The following SASH1 variants were observed in gnomAD, a reference collection of about 807,000 sequenced individuals.
SASH1 encodes SAM and SH3 domain containing 1, also known as SAM and SH3 domain-containing protein 1.
A neutral mutation model predicts 125.2 loss-of-function variants in SASH1; 44 were observed. The observed-to-expected ratio is 0.35, with a 90% CI of 0.28 to 0.45. The LOEUF is 0.45. Among genes scored for constraint, SASH1 ranks in the 20% least tolerant of loss-of-function variants. SASH1 has a pLI of 1.00. For synonymous variants in SASH1, 639 were observed against 649.1 expected (o/e 0.98, Z 0.24); for missense variants, 1,426 against 1,614.5 (o/e 0.88, Z 2.00).
chr6:148,399,809 T>A (rs1414513039), intron 2 of SASH1, among the ~76,000 whole-genome samples: 1 of 151,150 alleles, frequency 6.6e-6, no homozygotes, highest in Non-Finnish European at 1.5e-5. Context: ...TGGCCAGGGC[T>A]TGGGAGGGAA....
At chr6:148,274,018 AC>A (rs1204694168) in intron 1 of SASH1, among the ~76,000 whole-genome samples, 1 of 152,224 alleles carries the variant, frequency 6.6e-6, no homozygotes, top group Non-Finnish European at 1.5e-5. Flanking sequence ...TAGGATTGCA[AC>A]CAGAAGGAGA....
rs1368188680 is a variant in SASH1, at chr6:148,551,196, ATGTT to A, written c.*2641_*2644del. On this transcript the variant is annotated 3_prime_UTR_variant, in exon 20 of 20. Transcript: ENST00000367467. ...TTTAATTTGGTCTGAGAAAAGCTGAATGTTTGGGTGTGACGTTTGACTGAGGTGG... is the reference window on the plus strand; with the variant it reads ...TTTAATTTGGTCTGAGAAAAGCTGAATGGGTGTGACGTTTGACTGAGGTGG... The A allele has an allele frequency of 6.6e-6, 1 of 152,282 alleles. No homozygotes were observed. The highest frequency in any genetic ancestry group is 1.5e-5 in the Non-Finnish European group (1 of 67,968). The allele number at this position is 152,282 out of a possible 1,614,324, so 9.4% of individuals were successfully genotyped here. A position where few individuals can be genotyped will look rare whatever the true frequency, so the allele number is the denominator to read the frequency against.
the SASH1 span, among the ~76,000 whole-genome samples, chr6:148,266,060 C>T: frequency 6.6e-6 from 1 of 151,988 alleles, no homozygotes; most frequent in African/African-American, 2.4e-5. Context: ...GCAGCCTCCG[C>T]CTCCCAGATT....
At position 148,477,962 on chromosome 6, in the gene SASH1, G is replaced by A. The variant is rs377425558; in HGVS notation, c.627+3740G>A. ...TCCACCCGCCTCGGCCTCCCAAAGTGTTGTGATTACGGGCATGAGTCACTG... is the reference window on the plus strand; with the variant it reads ...TCCACCCGCCTCGGCCTCCCAAAGTATTGTGATTACGGGCATGAGTCACTG... On this transcript the variant is annotated intron_variant, in intron 7 of 19. Transcript: ENST00000367467. Among the ~76,000 whole-genome samples, 15 of 152,230 alleles carry A rather than the reference G, an allele frequency of 9.9e-5. No homozygotes were observed. The South Asian group carries it at 2.7e-3, about 27-fold the overall frequency.
intron 2 of SASH1, among the ~76,000 whole-genome samples, chr6:148,407,778 G>A (rs1048204885): frequency 6.6e-5 from 10 of 152,162 alleles, no homozygotes; most frequent in African/African-American, 2.4e-4. Context: ...GACTACAGGC[G>A]CGCACCACCA....
intron 1 of SASH1, among the ~76,000 whole-genome samples, chr6:148,365,910 T>G (rs1451444871): frequency 6.6e-6 from 1 of 151,898 alleles, no homozygotes; most frequent in Non-Finnish European, 1.5e-5. Flanking sequence ...GTCAGGAGTT[T>G]GAGACCAGCC....
chr6:148,225,757 G>C, the SASH1 span, among the ~76,000 whole-genome samples: 1 of 152,164 alleles, frequency 6.6e-6, no homozygotes, highest in African/African-American at 2.4e-5. Flanking sequence ...AGGTTGAATT[G>C]CTAGATAACA....
chr6:148,280,807 C>CACA (rs987235718), intron 1 of SASH1, among the ~76,000 whole-genome samples: 13 of 151,904 alleles, frequency 8.6e-5, no homozygotes, highest in African/African-American at 2.4e-4. Flanking sequence ...GACCTTGTCT[C>CACA]ACAACAACAA....
At chr6:148,357,151 G>T (rs113212814) in intron 1 of SASH1, among the ~76,000 whole-genome samples, 11 of 152,292 alleles carry the variant, frequency 7.2e-5, no homozygotes, top group African/African-American at 2.2e-4. Context: ...TTACTCTGCT[G>T]ATTATTTCTT....
rs145493616 is a variant in SASH1, at chr6:148,452,826, A to G, written c.386+12419A>G. On this transcript the variant is annotated intron_variant, in intron 4 of 19. Transcript: ENST00000367467. The stretch of plus-strand genomic sequence containing the variant: ...AGCTTATCACTGGCCATGGTCCCCT[A>G]AAATATGCCCTTCCCACATGACCTT... Among the ~76,000 whole-genome samples the G allele has an allele frequency of 4.9e-3, 750 of 152,298 alleles. 3 individuals are homozygous for G. Among genetic ancestry groups the G allele is most frequent in the Middle Eastern group, 0.017 (5 of 294 alleles).
intron 1 of SASH1, among the ~76,000 whole-genome samples, chr6:148,379,562 C>CT (rs1341892392): frequency 6.6e-6 from 1 of 152,142 alleles, no homozygotes; most frequent in Non-Finnish European, 1.5e-5. Context: ...TTATGGCACT[C>CT]TCAGGAAAGA....
At chr6:148,231,298 G>T in the SASH1 span, among the ~76,000 whole-genome samples, 1 of 152,128 alleles carries the variant, frequency 6.6e-6, no homozygotes, top group South Asian at 2.1e-4. Context: ...ACATGTTAAG[G>T]TTTATTTCTG....
intron 1 of SASH1, among the ~76,000 whole-genome samples, chr6:148,385,915 C>T (rs907162392): frequency 8.5e-4 from 129 of 152,048 alleles, no homozygotes; most frequent in Non-Finnish European, 1.0e-3. Flanking sequence ...CCAAGTTTTC[C>T]GAGCCACTCT....
chr6:148,540,698 A>G, intron 17 of SASH1, 142 bp downstream of exon 17: 1 of 639,354 alleles, frequency 1.6e-6, no homozygotes, highest in Non-Finnish European at 2.8e-6. Flanking sequence ...ATTCTAGTCC[A>G]AGTTAGCCTC....
At chr6:148,317,581 C>T (rs1425506505) in intron 1 of SASH1, among the ~76,000 whole-genome samples, 2 of 152,198 alleles carry the variant, frequency 1.3e-5, no homozygotes, top group Non-Finnish European at 2.9e-5. Context: ...TGTGCCACCA[C>T]ATCCGGCTAA....
At chr6:148,266,641 C>T in the SASH1 span, among the ~76,000 whole-genome samples, 11 of 152,256 alleles carry the variant, frequency 7.2e-5, no homozygotes, top group South Asian at 2.3e-3. Context: ...TGTTCTATTG[C>T]CTAGGCTAGA....
chr6:148,297,782 A>G (rs186510529), intron 1 of SASH1, among the ~76,000 whole-genome samples: 156 of 151,758 alleles, frequency 1.0e-3, no homozygotes, highest in African/African-American at 3.6e-3. Context: ...GTGAGCCGAG[A>G]TCGTGCCACT....
chr6:148,525,262 G>T, intron 10 of SASH1, 29 bp from the exon 11 acceptor site: 1 of 1,606,210 alleles, frequency 6.2e-7, no homozygotes, highest in Non-Finnish European at 8.5e-7. Context: ...CATAACTGAA[G>T]TTTTTCTGCC....
chr6:148,339,956 T>C (rs1271697517), upstream of SASH1, among the ~76,000 whole-genome samples: 3 of 152,230 alleles, frequency 2.0e-5, no homozygotes, highest in Non-Finnish European at 4.4e-5. Flanking sequence ...AGTATGGCCT[T>C]GCCTCATCTT....
Sources: allele counts gnomAD v4.1 joint callset (sites outside exome capture counted in the v4.1 genomes callset), GRCh38; gene constraint gnomAD v4.1.1; transcripts MANE v1.5; gene names NCBI Gene and HGNC (gene_info 2026-07-23, HGNC 2026-07-21).